KMT2E: variants seen among roughly 807,000 people sequenced by gnomAD.
The protein encoded by KMT2E is histone reader KMT2E.
KMT2E carries 30 observed loss-of-function variants against 184.6 expected under a neutral mutation model. That is an observed-to-expected ratio of 0.16 (90% CI 0.12 to 0.22). The LOEUF (loss-of-function observed/expected upper bound fraction) is 0.22, where lower values mean the gene tolerates loss of function less well. KMT2E is among the 10% of genes least tolerant of loss of function. The pLI is 1.00. For missense variants in KMT2E, 2,023 were observed against 2,237.4 expected, an observed-to-expected ratio of 0.90 and a Z score of 1.93; for synonymous variants, 815 against 776.5, an observed-to-expected ratio of 1.05 and a Z score of -0.82.
intron 17 of KMT2E, 82 bp from the exon 18 acceptor site, chr7:105,105,357 C>A: frequency 3.0e-6 from 3 of 1,015,192 alleles, no homozygotes; most frequent in Non-Finnish European, 4.3e-6. Flanking sequence ...GATAATACAC[C>A]AATTTCAAAT....
At chr7:105,020,159 T>G (rs1227287123) in intron 1 of KMT2E, among the ~76,000 whole-genome samples, 1 of 151,732 alleles carries the variant, frequency 6.6e-6, no homozygotes, top group Non-Finnish European at 1.5e-5. Flanking sequence ...TTCTTGGTCC[T>G]GAATTTTAAT....
intron 9 of KMT2E, 69 bp from the exon 10 acceptor site, chr7:105,076,894 G>C: frequency 1.1e-5 from 8 of 761,786 alleles, no homozygotes; most frequent in Middle Eastern, 2.3e-4. Context: ...GTGTGTGTGT[G>C]TGTGTGTGTG....
intron 1 of KMT2E, among the ~76,000 whole-genome samples, chr7:105,028,011 TG>T (rs1319647086): frequency 1.3e-5 from 2 of 152,188 alleles, no homozygotes; most frequent in Non-Finnish European, 2.9e-5. Context: ...TGATTGGAAT[TG>T]ATTATTATCA....
intron 13 of KMT2E, among the ~76,000 whole-genome samples, chr7:105,088,709 C>T (rs560718551): frequency 6.6e-6 from 1 of 152,244 alleles, no homozygotes; most frequent in South Asian, 2.1e-4. Flanking sequence ...ATCTAAATGC[C>T]GTCCTTTCCA....
intron 1 of KMT2E, among the ~76,000 whole-genome samples, chr7:105,019,721 G>A (rs571740466): frequency 6.6e-6 from 1 of 152,156 alleles, no homozygotes; most frequent in Non-Finnish European, 1.5e-5. Context: ...TTGGACAGAG[G>A]TAATTTCTTA....
chr7:105,063,417 A>G lies in KMT2E; in HGVS notation c.253A>G (p.Ser85Gly), dbSNP rs2129567227. 2 of 1,613,884 alleles carry G rather than the reference A, an allele frequency of 1.2e-6. No individual in the cohort carries two copies. The highest frequency in any genetic ancestry group is 4.5e-5 in the East Asian group (2 of 44,876). Reference protein sequence around the residue: ...PASPPPSVLISKNEVGIFTTP... With the variant: ...PASPPPSVLIGKNEVGIFTTP... The stretch of plus-strand genomic sequence containing the variant: ...TTCCCCTCCTCCATCAGTCCTTATT[A>G]GCAAAAATGAAGTAGGCATATTTAC... The change falls in exon 5 of 27, where the codon AGC (serine) becomes GGC (glycine). Residue 85 changes from serine (S) to glycine (G), a missense_variant. This residue lies in a region of KMT2E where 48 missense variants were observed against 51.5 expected (regional missense o/e 0.93). Coordinates refer to ENST00000311117, the MANE Select transcript of KMT2E (RefSeq NM_182931.3).
intron 1 of KMT2E, among the ~76,000 whole-genome samples, chr7:105,023,854 A>G (rs1795062732): frequency 6.6e-6 from 1 of 152,154 alleles, no homozygotes; most frequent in South Asian, 2.1e-4. Context: ...GTGAGATGGT[A>G]TATACACAGA....
chr7:105,101,532 T>C lies in KMT2E; in HGVS notation c.1830T>C (p.Thr610=), dbSNP rs979288309. 6.3e-7 allele frequency: 1 copy of C among 1,589,872 alleles called. No homozygotes were observed. Among genetic ancestry groups the C allele is most frequent in the Admixed American group, 1.8e-5 (1 of 55,698 alleles). ...QALERISTAK[T]EVKTECKDTQ... is the part of the protein sequence containing the mutation. ...TGGAAAGGATCAGCACAGCCAAAACTGAAGTTAAAACTGAATGTAAAGATA... is the reference window on the plus strand; with the variant it reads ...TGGAAAGGATCAGCACAGCCAAAACCGAAGTTAAAACTGAATGTAAAGATA... Residue 610 remains threonine, a synonymous_variant, in exon 16 of 27, where the codon ACT becomes ACC. Transcript: ENST00000311117.
rs1797459700 is a variant in KMT2E at position 105,074,799 on chromosome 7, T to C, written c.713T>C (p.Ile238Thr). Residue 238 changes from isoleucine to threonine, a missense_variant, in exon 8 of 27, where the codon ATT (isoleucine) becomes ACT (threonine). Ile to Thr is a moderately conservative substitution (Grantham distance 89). Around this residue, in one of 8 missense-constraint regions of KMT2E, gnomAD observed 191 missense variants for 209.0 expected, o/e 0.91. Transcript: ENST00000311117. ...AAAAGCGGGGAGAAAGAACAACACA[T>C]TTCAAAATGTAAAAAGGTACGTTTT... ...RKKSGEKEQH[I>T]SKCKKAFREG... The C allele has an allele frequency of 1.2e-6, 2 of 1,604,314 alleles. No homozygotes were observed. Among genetic ancestry groups the C allele is most frequent in the Non-Finnish European group, 1.7e-6 (2 of 1,176,554 alleles).
At chr7:105,039,689 G>C (rs1213364408) in intron 2 of KMT2E, among the ~76,000 whole-genome samples, 1 of 152,122 alleles carries the variant, frequency 6.6e-6, no homozygotes, top group Non-Finnish European at 1.5e-5. Flanking sequence ...TAAACTATGT[G>C]TAACTGGGAG....
At chr7:105,030,529 C>G (rs1340613709) in intron 1 of KMT2E, among the ~76,000 whole-genome samples, 1 of 152,192 alleles carries the variant, frequency 6.6e-6, no homozygotes, top group Non-Finnish European at 1.5e-5. Context: ...ACTGGAATTA[C>G]TGTGAACTAC....
At chr7:105,066,027 T>C (rs1797014645) in intron 5 of KMT2E, among the ~76,000 whole-genome samples, 1 of 152,162 alleles carries the variant, frequency 6.6e-6, no homozygotes, top group Non-Finnish European at 1.5e-5. Flanking sequence ...TATTTTTCTC[T>C]GGCGTTAATT....
intron 5 of KMT2E, chr7:105,064,124 T>G (rs974844504): frequency 3.0e-6 from 1 of 333,098 alleles, no homozygotes; most frequent in Non-Finnish European, 5.9e-6. Context: ...AAGGTGTGAT[T>G]GGGACAGAAA....
At chr7:105,052,457 A>G (rs1796388348) in intron 3 of KMT2E, among the ~76,000 whole-genome samples, 1 of 152,202 alleles carries the variant, frequency 6.6e-6, no homozygotes, top group African/African-American at 2.4e-5. Flanking sequence ...CTGTTTTATC[A>G]CTAATATCAT....
At chr7:105,043,238 T>C (rs1052269503) in intron 3 of KMT2E, among the ~76,000 whole-genome samples, 1 of 151,138 alleles carries the variant, frequency 6.6e-6, no homozygotes, top group South Asian at 2.1e-4. Context: ...TTTCTTTTTT[T>C]CTTTTTTTTT....
rs190164795 is a variant in KMT2E, at chr7:105,109,069, G to A, written c.3596G>A (p.Cys1199Tyr). ...SGSLSNNGDG[C>Y]ASSNDNGEQV... ...AGCTTGAGCAACAATGGTGATGGCT[G>A]TGCCAGCAGTAATGACAATGGGGAG... The change falls in exon 23 of 27, where the codon TGT becomes TAT. Residue 1199 changes from cysteine (C) to tyrosine (Y), a missense_variant. Around this residue, in one of 8 missense-constraint regions of KMT2E, gnomAD observed 1,108 missense variants for 1,050.9 expected, o/e 1.05. Coordinates refer to ENST00000311117, the MANE Select transcript of KMT2E (RefSeq NM_182931.3). 3.7e-6 allele frequency: 6 copies of A among 1,614,192 alleles called. No homozygotes were observed. The East Asian group carries it at 8.9e-5, about 24-fold the overall frequency.
chr7:105,066,286 T>C (rs557278532), intron 5 of KMT2E, among the ~76,000 whole-genome samples: 92 of 152,266 alleles, frequency 6.0e-4, no homozygotes, highest in African/African-American at 2.2e-3. Flanking sequence ...TCTTCATATA[T>C]GTTGAGCGCC....
intron 1 of KMT2E, among the ~76,000 whole-genome samples, chr7:105,023,153 C>CA (rs1169077675): frequency 2.6e-5 from 4 of 151,986 alleles, no homozygotes; most frequent in African/African-American, 9.7e-5. Flanking sequence ...CTAATGCCAG[C>CA]AGCTTAATTT....
chr7:105,052,046 T>C (rs530982024), intron 3 of KMT2E, among the ~76,000 whole-genome samples: 1 of 152,352 alleles, frequency 6.6e-6, no homozygotes, highest in South Asian at 2.1e-4. Flanking sequence ...ATGCTTCTTC[T>C]GAAGCATAAA....
Sources: allele counts gnomAD v4.1 joint callset (sites outside exome capture counted in the v4.1 genomes callset), GRCh38; gene constraint gnomAD v4.1.1; regional missense constraint gnomAD v4.1.1; transcripts MANE v1.5; gene names NCBI Gene and HGNC (gene_info 2026-07-23, HGNC 2026-07-21).